Variants in NISCH observed in about 807,000 individuals in gnomAD.
NISCH encodes the protein nischarin.
NISCH carries 55 observed loss-of-function variants against 138.4 expected under a neutral mutation model. That is an observed-to-expected ratio of 0.40 (90% CI 0.32 to 0.50). The LOEUF (loss-of-function observed/expected upper bound fraction) is 0.50, where lower values mean the gene tolerates loss of function less well. Ranked by LOEUF, NISCH falls within the 20% of genes least tolerant of loss-of-function variation. The probability of loss-of-function intolerance (pLI) is 0.71; values close to 1 mark genes in which losing one functional copy is unlikely to be tolerated. For missense variants in NISCH, 1,643 were observed against 2,005.5 expected (o/e 0.82, Z 3.45); for synonymous variants, 860 against 861.5 (o/e 1.00, Z 0.03).
At chr3:52,491,226 C>A in intron 19 of NISCH, 126 bp from the exon 20 acceptor site, 10 of 1,404,572 alleles carry the variant, frequency 7.1e-6, no homozygotes, top group Non-Finnish European at 9.4e-6. Context: ...TGATTCTTTC[C>A]TGTGTGGGCC....
intron 13 of NISCH, 51 bp from the exon 14 acceptor site, chr3:52,484,462 T>TTGGGGCCCCCCC: frequency 2.0e-5 from 16 of 788,670 alleles, no homozygotes; most frequent in Non-Finnish European, 2.2e-5. Flanking sequence ...ACAGCCGCTC[T>TTGGGGCCCCCCC]CCCCGCCCCA....
At chr3:52,477,317 AC>A (rs1345727812) in intron 8 of NISCH, among the ~76,000 whole-genome samples, 1 of 152,166 alleles carries the variant, frequency 6.6e-6, no homozygotes, top group East Asian at 1.9e-4. Context: ...TCTGTCTGGG[AC>A]CTTGCTGTGT....
At position 52,455,696 on chromosome 3, in the gene NISCH, GC is replaced by G; in HGVS notation, c.56del (p.Ala19GlyfsTer28). On this transcript the variant is annotated frameshift_variant, in exon 1 of 21. Coordinates refer to ENST00000345716, the MANE Select transcript of NISCH (RefSeq NM_007184.4). LOFTEE classifies it high-confidence loss of function. ...GCGGGAAGCCGAGCCGGCCAAGGAA[GC>G]GCGCGTCGTGGGCTCGGAGCTTGTG... ...PEREAEPAKE[A>X]RVVGSELVDT... The G allele has an allele frequency of 7.3e-7, 1 of 1,365,496 alleles. No homozygotes were observed. Among genetic ancestry groups the G allele is most frequent in the Non-Finnish European group, 9.5e-7 (1 of 1,048,756 alleles). The allele number at this position is 1,365,496 out of a possible 1,614,324, so 84.6% of individuals were successfully genotyped here.
intron 3 of NISCH, among the ~76,000 whole-genome samples, chr3:52,465,143 T>G (rs909249565): frequency 6.6e-6 from 1 of 152,246 alleles, no homozygotes; most frequent in Non-Finnish European, 1.5e-5. Context: ...TTTTGTTTGT[T>G]TTTTGAGACA....
intron 4 of NISCH, chr3:52,471,395 C>T (rs1209181657): frequency 2.4e-5 from 7 of 292,730 alleles, no homozygotes. Context: ...GTCAGTTGGG[C>T]TCAGAACCCA....
intron 3 of NISCH, among the ~76,000 whole-genome samples, chr3:52,470,000 C>T (rs1706897010): frequency 6.6e-6 from 1 of 150,828 alleles, no homozygotes; most frequent in South Asian, 2.1e-4. Context: ...AGGAGGATTA[C>T]TTGGGCCCAG....
intron 9 of NISCH, 92 bp from the exon 10 acceptor site, chr3:52,478,005 G>A: frequency 7.6e-7 from 1 of 1,319,100 alleles, no homozygotes; most frequent in Non-Finnish European, 1.1e-6. Context: ...TGGGTAGTTT[G>A]GGTTGGAAGG....
intron 3 of NISCH, among the ~76,000 whole-genome samples, chr3:52,468,567 A>G (rs1435010830): frequency 6.6e-6 from 1 of 152,142 alleles, no homozygotes; most frequent in East Asian, 1.9e-4. Context: ...TGTGGTTGCA[A>G]GAGACTGAAG....
chr3:52,463,762 C>G (rs6772177), intron 3 of NISCH, among the ~76,000 whole-genome samples: 8 of 126,346 alleles, frequency 6.3e-5, no homozygotes, highest in African/African-American at 2.5e-4. Context: ...CTCGCTCTGT[C>G]GCACAGGCTG....
chr3:52,490,665 C>A (rs749933288), intron 18 of NISCH, 40 bp from the exon 19 acceptor site: 1 of 1,613,320 alleles, frequency 6.2e-7, no homozygotes, highest in African/African-American at 1.3e-5. Context: ...CTTGTGCTTG[C>A]CTGCCACCGC....
At chr3:52,461,600 A>T (rs546134654) in intron 3 of NISCH, among the ~76,000 whole-genome samples, 1 of 152,188 alleles carries the variant, frequency 6.6e-6, no homozygotes, top group African/African-American at 2.4e-5. Context: ...GCAGTGGCTC[A>T]CGCCTGTAAT....
intron 7 of NISCH, among the ~76,000 whole-genome samples, chr3:52,474,041 GT>G (rs1212414787): frequency 6.6e-6 from 1 of 152,202 alleles, no homozygotes; most frequent in Non-Finnish European, 1.5e-5. Flanking sequence ...AAAAGTTCGT[GT>G]TGTTAACAGG....
intron 3 of NISCH, among the ~76,000 whole-genome samples, chr3:52,461,186 C>T (rs1359843194): frequency 2.0e-5 from 3 of 152,160 alleles, no homozygotes; most frequent in African/African-American, 7.2e-5. Flanking sequence ...TGCAGTGAGC[C>T]GAGGTTATGC....
At chr3:52,466,170 G>C (rs1706774453) in intron 3 of NISCH, among the ~76,000 whole-genome samples, 1 of 152,174 alleles carries the variant, frequency 6.6e-6, no homozygotes, top group African/African-American at 2.4e-5. Flanking sequence ...TTCAGTTAAA[G>C]CTGAGGTTTG....
chr3:52,474,723 C>T (rs1174665946), intron 7 of NISCH, among the ~76,000 whole-genome samples: 2 of 152,222 alleles, frequency 1.3e-5, no homozygotes, highest in Non-Finnish European at 2.9e-5. Flanking sequence ...TGAGCCACTT[C>T]AGCCGGCCGT....
In NISCH at chr3:52,492,909, T is replaced by C. The variant is rs1707612344; in HGVS notation, c.*427T>C. 1 of 210,500 alleles carries C rather than the reference T, an allele frequency of 4.8e-6. No homozygotes were observed. Among genetic ancestry groups the C allele is most frequent in the African/African-American group, 2.3e-5 (1 of 43,220 alleles). 13.0% of individuals were successfully genotyped at this position (210,500 alleles called of 1,614,324 possible). A position where few individuals can be genotyped will look rare whatever the true frequency, so the allele number is the denominator to read the frequency against. ...CCTGAGGCTGGTAGCAGAATGCACA[T>C]TGGAAGCTCCCACCCCATATTGTTC... On this transcript the variant is annotated 3_prime_UTR_variant, in exon 21 of 21. Coordinates refer to ENST00000345716, the MANE Select transcript of NISCH (RefSeq NM_007184.4).
In NISCH at chr3:52,491,926, C is replaced by G; in HGVS notation, c.3959C>G (p.Pro1320Arg). ...TCTAGTCGCGTCAAGTTTACCTACC[C>G]CAGTGAGGAGGAGATTGGGGACCTG... ...IHSSRVKFTYPSEEEIGDLTF... is the reference protein window; with the variant it reads ...IHSSRVKFTYRSEEEIGDLTF... The change falls in exon 21 of 21, where the codon CCC becomes CGC. Residue 1320 changes from proline (P) to arginine (R), a missense_variant. Coordinates refer to ENST00000345716, the MANE Select transcript of NISCH (RefSeq NM_007184.4). 1 of 1,613,268 alleles carries G rather than the reference C, an allele frequency of 6.2e-7. No individual in the cohort carries two copies. The highest frequency in any genetic ancestry group is 8.5e-7 in the Non-Finnish European group (1 of 1,179,768).
intron 3 of NISCH, among the ~76,000 whole-genome samples, chr3:52,465,872 T>C (rs1706766281): frequency 6.6e-6 from 1 of 152,182 alleles, no homozygotes; most frequent in Non-Finnish European, 1.5e-5. Context: ...TAGAAGAGTG[T>C]TGGGCCTGAG....
chr3:52,481,609 G>A (rs1707275812), intron 13 of NISCH: 1 of 985,772 alleles, frequency 1.0e-6, no homozygotes, highest in Non-Finnish European at 1.2e-6. Flanking sequence ...CTCAAGGCCA[G>A]GGACACAGCC....
Sources: allele counts gnomAD v4.1 joint callset (sites outside exome capture counted in the v4.1 genomes callset), GRCh38; gene constraint gnomAD v4.1.1; transcripts MANE v1.5; gene names NCBI Gene and HGNC (gene_info 2026-07-23, HGNC 2026-07-21).